Variants in DGKI observed in about 807,000 individuals in gnomAD.
DGKI encodes the protein diacylglycerol kinase iota, also known as DAG kinase iota.
DGKI carries 55 observed loss-of-function variants against 147.5 expected under a neutral mutation model. The ratio of observed to expected loss-of-function variants is 0.37; its 90% CI spans 0.30 to 0.47. The LOEUF (loss-of-function observed/expected upper bound fraction) is 0.47. DGKI is among the 20% of genes least tolerant of loss of function. DGKI has a pLI of 1.00. For missense variants in DGKI, 1,007 were observed against 1,323.8 expected (o/e 0.76, Z 3.71); for synonymous variants, 469 against 477.1 (o/e 0.98, Z 0.22).
At chr7:137,429,420 T>C (rs1238529172) in intron 28 of DGKI, among the ~76,000 whole-genome samples, 1 of 151,824 alleles carries the variant, frequency 6.6e-6, no homozygotes, top group African/African-American at 2.4e-5. Flanking sequence ...GATTAAAGAC[T>C]TAAACGTTAG....
At chr7:137,487,577 G>T in intron 22 of DGKI, 33 bp downstream of exon 22, 1 of 1,568,812 alleles carries the variant, frequency 6.4e-7, no homozygotes, top group Non-Finnish European at 8.8e-7. Flanking sequence ...ATGGAAAGTT[G>T]AGGAGAATAA....
intron 28 of DGKI, among the ~76,000 whole-genome samples, chr7:137,439,737 A>G (rs1283495164): frequency 6.6e-6 from 1 of 152,178 alleles, no homozygotes; most frequent in African/African-American, 2.4e-5. Context: ...TGACAATTTT[A>G]TTTCCAAATA....
intron 3 of DGKI, among the ~76,000 whole-genome samples, chr7:137,659,668 C>G (rs1350213007): frequency 1.3e-5 from 2 of 152,252 alleles, no homozygotes; most frequent in Admixed American, 6.5e-5. Flanking sequence ...AGCAGTGGCT[C>G]ATGCCTGTAA....
At chr7:137,637,296 G>A (rs1821347332) in intron 6 of DGKI, among the ~76,000 whole-genome samples, 1 of 152,180 alleles carries the variant, frequency 6.6e-6, no homozygotes, top group Admixed American at 6.5e-5. Context: ...GGAACCCTGA[G>A]CTAAAATAAT....
At chr7:137,412,040 G>A in intron 29 of DGKI, 130 bp downstream of exon 29, 2 of 861,936 alleles carry the variant, frequency 2.3e-6, no homozygotes, top group Non-Finnish European at 3.8e-6. Flanking sequence ...AGAACATCCT[G>A]CCTCTTCTAC....
rs1811111379 is a variant in DGKI at position 137,383,683 on chromosome 7, T to C, written c.*7537A>G. 6.6e-6 allele frequency: 1 copy of C among 152,028 alleles called. No homozygotes were observed. The highest frequency in any genetic ancestry group is 2.4e-5 in the African/African-American group (1 of 41,444). 9.4% of individuals were successfully genotyped at this position (152,028 alleles called of 1,614,324 possible). On this transcript the variant is annotated 3_prime_UTR_variant, in exon 33 of 33. Transcript: ENST00000614521. ...GCCCAAACTGTTTTTCTGGATGCAA[T>C]GTTTAGGAAAAATAAATCCTTATAA...
intron 3 of DGKI, among the ~76,000 whole-genome samples, chr7:137,670,220 G>A (rs932341947): frequency 1.3e-5 from 2 of 152,150 alleles, no homozygotes; most frequent in African/African-American, 2.4e-5. Context: ...ATAGACAATG[G>A]TACTATTGAT....
chr7:137,582,982 G>T (rs1819258782), intron 14 of DGKI, among the ~76,000 whole-genome samples: 1 of 152,124 alleles, frequency 6.6e-6, no homozygotes, highest in Non-Finnish European at 1.5e-5. Flanking sequence ...TAACCCTCAA[G>T]ATTTCAAAAG....
chr7:137,694,882 C>A (rs955811500), intron 1 of DGKI, among the ~76,000 whole-genome samples: 8 of 152,152 alleles, frequency 5.3e-5, no homozygotes, highest in African/African-American at 1.4e-4. Context: ...TGTCAGGGAA[C>A]AAACTGTGCG....
chr7:137,661,707 C>A (rs938363077), intron 3 of DGKI, among the ~76,000 whole-genome samples: 4 of 152,202 alleles, frequency 2.6e-5, no homozygotes, highest in African/African-American at 9.7e-5. Flanking sequence ...TCCTCCTCCC[C>A]CTTCTCCTTC....
At chr7:137,787,346 A>G (rs1302510194) in intron 1 of DGKI, among the ~76,000 whole-genome samples, 2 of 152,116 alleles carry the variant, frequency 1.3e-5, no homozygotes, top group African/African-American at 4.8e-5. Context: ...TATACAAATG[A>G]CCAACAAGCA....
intron 8 of DGKI, among the ~76,000 whole-genome samples, chr7:137,618,138 TATATATATA>T (rs1433234273): frequency 1.0e-4 from 1 of 9,660 alleles, no homozygotes; most frequent in East Asian, 3.0e-3. Context: ...TATATATATA[TATATATATA>T]TATATTTTTT....
chr7:137,446,562 C>G (rs976281139), intron 27 of DGKI, among the ~76,000 whole-genome samples: 4 of 152,102 alleles, frequency 2.6e-5, no homozygotes, highest in African/African-American at 9.7e-5. Flanking sequence ...CCCGTCTCTA[C>G]TGAAAATACA....
chr7:137,637,851 G>GT (rs1409999199), intron 6 of DGKI, among the ~76,000 whole-genome samples: 4 of 151,710 alleles, frequency 2.6e-5, no homozygotes, highest in Admixed American at 2.0e-4. Context: ...TCATTTCATT[G>GT]TTTTTTTAAT....
At position 137,504,854 on chromosome 7, in the gene DGKI, C is replaced by T. The variant is rs1382674837; in HGVS notation, c.2248+17012G>A. Among the ~76,000 whole-genome samples the T allele has an allele frequency of 2.0e-5, 3 of 151,826 alleles. No homozygotes were observed. In the East Asian group the frequency reaches 5.8e-4, roughly 29 times the overall value. On this transcript the variant is annotated intron_variant, in intron 21 of 32. Transcript: ENST00000614521. ...TAGATACAACACCAAAAGCATGATC[C>T]ATGAAAGAAAAAAATGGTTAAGTCA...
At chr7:137,563,971 G>A (rs1244425304) in intron 19 of DGKI, among the ~76,000 whole-genome samples, 1 of 151,922 alleles carries the variant, frequency 6.6e-6, no homozygotes. Flanking sequence ...TCTAGAACAA[G>A]GAAAACACTG....
chr7:137,612,606 A>G (rs1820402470), intron 8 of DGKI, among the ~76,000 whole-genome samples: 1 of 152,118 alleles, frequency 6.6e-6, no homozygotes, highest in African/African-American at 2.4e-5. Context: ...CCTACTCTTG[A>G]TAATCTACAG....
chr7:137,678,312 A>T (rs1280617630), intron 3 of DGKI, among the ~76,000 whole-genome samples: 2 of 152,176 alleles, frequency 1.3e-5, no homozygotes, highest in Non-Finnish European at 2.9e-5. Context: ...CCTGGGCATC[A>T]TTATAAAGTA....
At chr7:137,702,347 T>C (rs1413891897) in intron 1 of DGKI, among the ~76,000 whole-genome samples, 2 of 152,142 alleles carry the variant, frequency 1.3e-5, no homozygotes, top group African/African-American at 2.4e-5. Context: ...GTAAAAGACA[T>C]GTCAAGCAAT....
Sources: allele counts gnomAD v4.1 joint callset (sites outside exome capture counted in the v4.1 genomes callset), GRCh38; gene constraint gnomAD v4.1.1; transcripts MANE v1.5; gene names NCBI Gene and HGNC (gene_info 2026-07-23, HGNC 2026-07-21).